Variants in EBPL observed in about 807,000 individuals in gnomAD.
The protein encoded by EBPL is emopamil-binding protein-like.
EBPL carries 20 observed loss-of-function variants against 19.0 expected under a neutral mutation model. That is an observed-to-expected ratio of 1.05 (90% CI 0.74 to 1.53). The LOEUF is 1.53. EBPL is among the 40% of genes most tolerant of loss of function. EBPL has a pLI of 0.00. For missense variants in EBPL, 219 were observed against 261.1 expected (o/e 0.84, Z 1.11); for synonymous variants, 107 against 117.0 (o/e 0.91, Z 0.55).
intron 1 of EBPL, among the ~76,000 whole-genome samples, chr13:49,685,851 C>CGA (rs1239778848): frequency 2.1e-4 from 32 of 149,028 alleles, no homozygotes; most frequent in African/African-American, 6.9e-4. Context: ...CCAGCCTGGG[C>CGA]GAGAGAGAGA....
At chr13:49,670,727 T>G (rs1015561137) in intron 1 of EBPL, among the ~76,000 whole-genome samples, 2 of 152,196 alleles carry the variant, frequency 1.3e-5, no homozygotes, top group African/African-American at 4.8e-5. Flanking sequence ...CCTTCGAGTT[T>G]CTGATATATT....
At chr13:49,665,881 G>A (rs1965219613) in intron 2 of EBPL, among the ~76,000 whole-genome samples, 2 of 152,182 alleles carry the variant, frequency 1.3e-5, no homozygotes, top group Admixed American at 6.5e-5. Flanking sequence ...TGGCACTGAA[G>A]CCAGACTACG....
intron 1 of EBPL, among the ~76,000 whole-genome samples, chr13:49,681,350 G>A (rs1038583398): frequency 2.6e-5 from 4 of 152,150 alleles, no homozygotes; most frequent in Non-Finnish European, 5.9e-5. Context: ...GAATGCAGTG[G>A]TGCGATCTCG....
chr13:49,662,401 G>C (rs1475176243), intron 3 of EBPL, among the ~76,000 whole-genome samples: 4 of 152,106 alleles, frequency 2.6e-5, no homozygotes, highest in Non-Finnish European at 1.5e-5. Context: ...TTTACTTTTT[G>C]TCAAGTGGGA....
intron 1 of EBPL, among the ~76,000 whole-genome samples, chr13:49,681,817 G>T (rs1478000541): frequency 6.6e-6 from 1 of 152,202 alleles, no homozygotes; most frequent in Non-Finnish European, 1.5e-5. Context: ...ATATTTGAAT[G>T]TATCTGTTTT....
chr13:49,669,114 G>C (rs12859620), intron 2 of EBPL, among the ~76,000 whole-genome samples: 71,327 of 151,936 alleles, frequency 0.47, 18,635 homozygotes, highest in Non-Finnish European at 0.6. Context: ...CTCCTGACCT[G>C]GTGATCTACC....
Position 49,691,338 on chromosome 13 carries a change from GC to G in EBPL, c.86del (p.Gly29AlafsTer38). Reference sequence around the variant, plus strand: ...CCCCCTGCCCGCGGCCCAGGCGCAGGCCCAGGGCGCAGCCCGCCGCCAGCAG... The same window carrying G: ...CCCCCTGCCCGCGGCCCAGGCGCAGGCCAGGGCGCAGCCCGCCGCCAGCAG... ...AALLAAGCAL[G>X]LRLGRGQGAA... is the part of the protein sequence containing the mutation. On this transcript the variant is annotated frameshift_variant, in exon 1 of 4. Transcript: ENST00000242827. LOFTEE classifies it high-confidence loss of function. The G allele has an allele frequency of 7.3e-7, 1 of 1,366,788 alleles. No individual in the cohort carries two copies. The highest frequency in any genetic ancestry group is 1.9e-5 in the South Asian group (1 of 53,374). The allele number at this position is 1,366,788 out of a possible 1,614,324, so 84.7% of individuals were successfully genotyped here. A position where few individuals can be genotyped will look rare whatever the true frequency, so the allele number is the denominator to read the frequency against.
Position 49,691,263 on chromosome 13 carries a change from G to C in EBPL, c.162C>G (p.His54Gln). The C allele has an allele frequency of 1.4e-6, 2 of 1,394,204 alleles. No individual in the cohort carries two copies. The highest frequency in any genetic ancestry group is 1.9e-6 in the Non-Finnish European group (2 of 1,071,130). The allele number at this position is 1,394,204 out of a possible 1,614,324, so 86.4% of individuals were successfully genotyped here. ...AGGCGATGGCACTTACCAGCGCGAA[G>C]TGCACCAGCGCGTCGTAGCAGAGCC... ...LIWLCYDALV[H>Q]FALEGPFVYL... Residue 54 changes from histidine (H) to glutamine (Q), a missense_variant, in exon 1 of 4, where the codon CAC becomes CAG. Around this residue, in one of 2 missense-constraint regions of EBPL, gnomAD observed 170 missense variants for 167.0 expected, o/e 1.02. Transcript: ENST00000242827.
chr13:49,669,336 G>C (rs929844764), intron 2 of EBPL, among the ~76,000 whole-genome samples: 1 of 152,110 alleles, frequency 6.6e-6, no homozygotes, highest in Non-Finnish European at 1.5e-5. Flanking sequence ...GAGTAGCTGG[G>C]ACTACAGGTG....
intron 1 of EBPL, among the ~76,000 whole-genome samples, chr13:49,673,674 C>A (rs986316838): frequency 2.0e-5 from 3 of 152,012 alleles, no homozygotes; most frequent in African/African-American, 7.3e-5. Context: ...TGACCTCAAG[C>A]GATCCACTCG....
chr13:49,662,588 C>G (rs1965166359), intron 3 of EBPL, among the ~76,000 whole-genome samples: 1 of 151,802 alleles, frequency 6.6e-6, no homozygotes, highest in Non-Finnish European at 1.5e-5. Flanking sequence ...CTGAAATGAT[C>G]CTAGTAGCAC....
intron 1 of EBPL, among the ~76,000 whole-genome samples, chr13:49,676,801 A>C (rs548328570): frequency 6.6e-6 from 1 of 152,178 alleles, no homozygotes; most frequent in East Asian, 1.9e-4. Context: ...CACCAAATAC[A>C]CATACAGTGA....
chr13:49,679,508 T>C (rs9562910), intron 1 of EBPL, among the ~76,000 whole-genome samples: 23,944 of 151,966 alleles, frequency 0.16, 2,764 homozygotes, highest in East Asian at 0.65. Context: ...GTACAACAGA[T>C]TGTATTTCTT....
At chr13:49,681,840 TTGAA>T (rs1331016506) in intron 1 of EBPL, among the ~76,000 whole-genome samples, 1 of 152,228 alleles carries the variant, frequency 6.6e-6, no homozygotes, top group Non-Finnish European at 1.5e-5. Flanking sequence ...TGTTGTATGT[TTGAA>T]TGAAGACCTA....
chr13:49,678,910 G>A (rs1156851697), intron 1 of EBPL, among the ~76,000 whole-genome samples: 4 of 150,956 alleles, frequency 2.6e-5, no homozygotes, highest in Non-Finnish European at 4.4e-5. Flanking sequence ...TACTCAGGAG[G>A]CTGAGGCACA....
intron 2 of EBPL, among the ~76,000 whole-genome samples, chr13:49,664,734 C>A (rs895527067): frequency 6.6e-6 from 1 of 152,078 alleles, no homozygotes; most frequent in African/African-American, 2.4e-5. Flanking sequence ...TACTGAGCAG[C>A]ACACAGCTCT....
At chr13:49,662,774 A>C (rs920955116) in intron 3 of EBPL, among the ~76,000 whole-genome samples, 1 of 152,070 alleles carries the variant, frequency 6.6e-6, no homozygotes, top group Non-Finnish European at 1.5e-5. Context: ...CTGGGACTAC[A>C]GGCGTGTGCC....
At chr13:49,671,880 G>A (rs1462422729) in intron 1 of EBPL, among the ~76,000 whole-genome samples, 2 of 152,192 alleles carry the variant, frequency 1.3e-5, no homozygotes, top group Non-Finnish European at 2.9e-5. Flanking sequence ...ATGGGGAACT[G>A]GAAATCAGTA....
intron 1 of EBPL, among the ~76,000 whole-genome samples, chr13:49,691,001 C>G (rs915064847): frequency 2.0e-5 from 3 of 152,220 alleles, no homozygotes; most frequent in African/African-American, 7.2e-5. Flanking sequence ...ACTAACATAG[C>G]ACGTACAGAA....
Sources: gnomAD v4.1 joint callset for allele counts (sites outside exome capture counted in the v4.1 genomes callset) on GRCh38, gnomAD v4.1.1 for gene constraint, gnomAD v4.1.1 regional missense constraint, MANE v1.5 for transcripts, NCBI Gene and HGNC (gene_info 2026-07-23, HGNC 2026-07-21) for gene names.